BRINP1: variants seen among roughly 807,000 people sequenced by gnomAD.
BRINP1 encodes BMP/retinoic acid-inducible neural-specific protein 1.
In BRINP1, 17 loss-of-function variants were observed where a neutral mutation model predicts 72.9. The observed-to-expected ratio is 0.23, with a 90% CI of 0.16 to 0.35. The LOEUF is 0.35. BRINP1 is among the 10% of genes least tolerant of loss of function. The pLI is 1.00. For synonymous variants in BRINP1, 418 were observed against 378.5 expected (o/e 1.10, Z -1.21); for missense variants, 850 against 1,001.6 (o/e 0.85, Z 2.04).
rs150152210 is a variant in BRINP1, at chr9:119,255,912, G to A, written c.219-6762C>T. ...GGAGGCTGCAGTGAGCCGGGATCGA[G>A]CCACTGCATGCCAGCCCGGGCAACG... On this transcript the variant is annotated intron_variant, in intron 2 of 7. Coordinates refer to ENST00000265922, the MANE Select transcript of BRINP1 (RefSeq NM_014618.3). Among the ~76,000 whole-genome samples the A allele has an allele frequency of 6.5e-3, 854 of 130,556 alleles. 13 individuals are homozygous for A. Among genetic ancestry groups the A allele is most frequent in the African/African-American group, 0.023 (808 of 35,040 alleles). 85.6% of individuals were successfully genotyped at this position (130,556 alleles called of 152,430 possible). A position where few individuals can be genotyped will look rare whatever the true frequency, so the allele number is the denominator to read the frequency against.
At chr9:119,210,592 A>G (rs572183743) in intron 6 of BRINP1, among the ~76,000 whole-genome samples, 17 of 152,308 alleles carry the variant, frequency 1.1e-4, no homozygotes, top group African/African-American at 3.6e-4. Context: ...CTTACTTAGT[A>G]TATTATATTT....
intron 1 of BRINP1, among the ~76,000 whole-genome samples, chr9:119,336,129 C>A (rs1180717216): frequency 1.3e-5 from 2 of 152,160 alleles, no homozygotes; most frequent in South Asian, 2.1e-4. Flanking sequence ...TCAGAAATGT[C>A]AGGGTGATGT....
intron 5 of BRINP1, among the ~76,000 whole-genome samples, chr9:119,220,133 T>C (rs1328509775): frequency 3.9e-5 from 6 of 152,114 alleles, no homozygotes; most frequent in Non-Finnish European, 2.9e-5. Flanking sequence ...TTAGAGGAAA[T>C]AGCATTTCTT....
chr9:119,322,882 G>T (rs185994323), intron 1 of BRINP1, among the ~76,000 whole-genome samples: 5 of 152,252 alleles, frequency 3.3e-5, no homozygotes, highest in Non-Finnish European at 2.9e-5. Flanking sequence ...TTGGGGTTCA[G>T]ATCCAAATTA....
At chr9:119,251,750 G>T (rs958914142) in intron 2 of BRINP1, among the ~76,000 whole-genome samples, 17 of 152,106 alleles carry the variant, frequency 1.1e-4, no homozygotes, top group African/African-American at 3.4e-4. Context: ...AGTAGTTGAT[G>T]GGATGTGGGC....
chr9:119,170,231 A>G (rs230094), intron 7 of BRINP1, among the ~76,000 whole-genome samples: 11,220 of 150,560 alleles, frequency 0.075, 1,300 homozygotes, highest in African/African-American at 0.25. Context: ...TGAAAACTTT[A>G]AAAAAAATTT....
intron 6 of BRINP1, among the ~76,000 whole-genome samples, chr9:119,210,983 G>A (rs1188849244): frequency 6.6e-6 from 1 of 152,162 alleles, no homozygotes; most frequent in Non-Finnish European, 1.5e-5. Flanking sequence ...TGAGCTGGCT[G>A]AAGGCAGGAG....
intron 2 of BRINP1, among the ~76,000 whole-genome samples, chr9:119,265,628 C>CA (rs1216905069): frequency 6.6e-6 from 1 of 151,936 alleles, no homozygotes; most frequent in African/African-American, 2.4e-5. Context: ...AACAAACAAA[C>CA]AAAAAATCAG....
At chr9:119,355,537 G>C (rs531493432) in intron 1 of BRINP1, among the ~76,000 whole-genome samples, 2 of 152,138 alleles carry the variant, frequency 1.3e-5, no homozygotes, top group East Asian at 1.9e-4. Flanking sequence ...GACCATCCTG[G>C]CTAACATGGT....
At chr9:119,232,784 G>A (rs1830160010) in intron 5 of BRINP1, among the ~76,000 whole-genome samples, 1 of 151,908 alleles carries the variant, frequency 6.6e-6, no homozygotes, top group Non-Finnish European at 1.5e-5. Flanking sequence ...GAGCTACTGA[G>A]GCACAGCTTT....
chr9:119,276,969 T>G (rs973435125), intron 2 of BRINP1, among the ~76,000 whole-genome samples: 6 of 152,178 alleles, frequency 3.9e-5, no homozygotes, highest in African/African-American at 1.4e-4. Flanking sequence ...AATCTACTTT[T>G]GTAATCAAAA....
At chr9:119,313,540 A>G (rs774727761) in intron 1 of BRINP1, 135 bp from the exon 2 acceptor site, 9 of 746,564 alleles carry the variant, frequency 1.2e-5, no homozygotes, top group East Asian at 2.7e-5. Flanking sequence ...ATAATACCTT[A>G]TATCAGTAGA....
rs777048593 is a variant in BRINP1, at chr9:119,168,058, T to C, written c.1312A>G (p.Met438Val). Residue 438 changes from methionine to valine, a missense_variant, in exon 8 of 8, where the codon ATG becomes GTG. Transcript: ENST00000265922. ...AGGGAGATGTTGGCCAGGCTGCACA[T>C]GGCGCAGCTGTTGTTCCCGCCTATC... ...CVIGGNNSCA[M>V]CSLANISLCG... 2 of 1,610,602 alleles carry C rather than the reference T, an allele frequency of 1.2e-6. No homozygotes were observed. Among genetic ancestry groups the C allele is most frequent in the African/African-American group, 2.7e-5 (2 of 74,858 alleles).
At chr9:119,314,678 C>T (rs1564245928) in intron 1 of BRINP1, among the ~76,000 whole-genome samples, 1 of 152,184 alleles carries the variant, frequency 6.6e-6, no homozygotes, top group Non-Finnish European at 1.5e-5. Flanking sequence ...CAGAGCTTCT[C>T]TTACTCCATA....
intron 3 of BRINP1, among the ~76,000 whole-genome samples, chr9:119,243,073 T>C (rs1830274128): frequency 6.6e-6 from 1 of 152,126 alleles, no homozygotes; most frequent in African/African-American, 2.4e-5. Flanking sequence ...TTTTTTTAAG[T>C]TCTGGGGTAC....
intron 2 of BRINP1, chr9:119,282,879 T>C (rs1830727135): frequency 2.0e-6 from 2 of 985,296 alleles, no homozygotes; most frequent in Non-Finnish European, 2.4e-6. Flanking sequence ...GGTTGCGCTT[T>C]TCCCTGTGTA....
intron 2 of BRINP1, among the ~76,000 whole-genome samples, chr9:119,287,015 A>C (rs1334777779): frequency 3.3e-5 from 5 of 151,900 alleles, no homozygotes; most frequent in African/African-American, 1.2e-4. Flanking sequence ...AGTTAATTTC[A>C]CCTTGAGGAA....
At chr9:119,218,068 T>C (rs1829997957) in intron 5 of BRINP1, among the ~76,000 whole-genome samples, 1 of 152,074 alleles carries the variant, frequency 6.6e-6, no homozygotes, top group Non-Finnish European at 1.5e-5. Flanking sequence ...TTATTTCTAA[T>C]AGTTTTTCTA....
chr9:119,365,431 A>C (rs1382522010), intron 1 of BRINP1, among the ~76,000 whole-genome samples: 1 of 152,192 alleles, frequency 6.6e-6, no homozygotes, highest in East Asian at 1.9e-4. Flanking sequence ...CAATTTGTTA[A>C]GCTTTGTATT....
Sources: allele counts gnomAD v4.1 joint callset (sites outside exome capture counted in the v4.1 genomes callset), GRCh38; gene constraint gnomAD v4.1.1; transcripts MANE v1.5; gene names NCBI Gene and HGNC (gene_info 2026-07-23, HGNC 2026-07-21).